TMEM114: variants seen among roughly 807,000 people sequenced by gnomAD.
The protein encoded by TMEM114 is claudin-26.
Under a neutral mutation model 6.2 loss-of-function variants are expected in TMEM114, and 6 were observed. The observed-to-expected ratio is 0.97, with a 90% CI of 0.53 to 1.91. The LOEUF is 1.91. Ranked by LOEUF, TMEM114 falls within the 40% of genes most tolerant of loss-of-function variation. TMEM114 has a pLI of 0.01. For synonymous variants in TMEM114, 104 were observed against 73.0 expected, an observed-to-expected ratio of 1.42 and a Z score of -2.16; for missense variants, 218 against 158.3, an observed-to-expected ratio of 1.38 and a Z score of -2.02.
At chr16:8,538,002 A>T (rs1900411000) in intron 2 of TMEM114, among the ~76,000 whole-genome samples, 1 of 152,016 alleles carries the variant, frequency 6.6e-6, no homozygotes, top group East Asian at 1.9e-4. Context: ...CAATATTTAA[A>T]CATTTTTGCC....
intron 2 of TMEM114, among the ~76,000 whole-genome samples, chr16:8,564,128 AG>A (rs1335966623): frequency 2.0e-5 from 3 of 151,124 alleles, no homozygotes; most frequent in Non-Finnish European, 4.4e-5. Context: ...TGAATGAGTG[AG>A]TTAGTGAATG....
At chr16:8,556,773 GA>G (rs1901024434) in intron 2 of TMEM114, among the ~76,000 whole-genome samples, 1 of 152,198 alleles carries the variant, frequency 6.6e-6, no homozygotes, top group Admixed American at 6.5e-5. Context: ...AAAGTGCCAG[GA>G]TTATAGGCGT....
At chr16:8,552,882 C>A (rs539007334) in intron 2 of TMEM114, among the ~76,000 whole-genome samples, 37 of 152,174 alleles carry the variant, frequency 2.4e-4, no homozygotes, top group Non-Finnish European at 4.9e-4. Flanking sequence ...CAGGGCCCAC[C>A]GAGCTGTGAT....
chr16:8,580,560 TC>T (rs1474412779), intron 2 of TMEM114, among the ~76,000 whole-genome samples: 3 of 152,056 alleles, frequency 2.0e-5, no homozygotes, highest in African/African-American at 7.2e-5. Context: ...CCCTGTGTCT[TC>T]CTCTCCTTTC....
chr16:8,579,691 G>C (rs1387111677), intron 2 of TMEM114, among the ~76,000 whole-genome samples: 1 of 152,158 alleles, frequency 6.6e-6, no homozygotes, highest in Non-Finnish European at 1.5e-5. Context: ...CTGAATATGA[G>C]AATACTTGTC....
chr16:8,536,245 G>T (rs2141643811), downstream of TMEM114, among the ~76,000 whole-genome samples: 1 of 151,592 alleles, frequency 6.6e-6, no homozygotes, highest in African/African-American at 2.4e-5. Context: ...AAAAAATGTA[G>T]GGGTTGAAAC....
chr16:8,532,576 T>C, the TMEM114 span, among the ~76,000 whole-genome samples: 3 of 152,220 alleles, frequency 2.0e-5, no homozygotes, highest in Admixed American at 2.0e-4. Flanking sequence ...GTGTCTCATT[T>C]AGTGCTGTAT....
chr16:8,546,586 G>A (rs1473262332), intron 2 of TMEM114, among the ~76,000 whole-genome samples: 1 of 152,128 alleles, frequency 6.6e-6, no homozygotes, highest in Non-Finnish European at 1.5e-5. Context: ...AACAACCCCA[G>A]TAACAATCAG....
Position 8,551,758 on chromosome 16 carries a change from T to C in TMEM114, n.213-13932A>G, listed in dbSNP as rs190692861. Among the ~76,000 whole-genome samples, 15 of 152,302 alleles carry C rather than the reference T, an allele frequency of 9.8e-5. No homozygotes were observed. The East Asian group carries it at 2.9e-3, about 29-fold the overall frequency. Reference sequence around the variant, plus strand: ...AAATTTAACAGTGTGTTTCTAGGGGTGTTTCATTAAACTTCTCCATTCAAG... The same window carrying C: ...AAATTTAACAGTGTGTTTCTAGGGGCGTTTCATTAAACTTCTCCATTCAAG... On this transcript the variant is annotated intron_variant and non_coding_transcript_variant, in intron 2 of 2. Coordinates refer to the TMEM114 transcript ENST00000623677.
intron 2 of TMEM114, among the ~76,000 whole-genome samples, chr16:8,538,473 G>A (rs926853364): frequency 1.3e-5 from 2 of 151,684 alleles, no homozygotes; most frequent in African/African-American, 2.4e-5. Context: ...CCTAGACAAA[G>A]AATGTGTGTG....
chr16:8,581,861 G>C (rs764853171), intron 2 of TMEM114, among the ~76,000 whole-genome samples: 5 of 152,200 alleles, frequency 3.3e-5, no homozygotes, highest in Non-Finnish European at 5.9e-5. Flanking sequence ...CTTGTGCCCA[G>C]AGGATTGAAG....
At chr16:8,547,392 CTTTCT>C (rs1418744080) in intron 2 of TMEM114, among the ~76,000 whole-genome samples, 38 of 144,612 alleles carry the variant, frequency 2.6e-4, no homozygotes, top group Middle Eastern at 3.7e-3. Flanking sequence ...TTCTTTCTTT[CTTTCT>C]TTTTTTTTTT....
intron 2 of TMEM114, among the ~76,000 whole-genome samples, chr16:8,561,832 G>GTGAA (rs1567201737): frequency 5.9e-4 from 89 of 151,950 alleles, no homozygotes; most frequent in African/African-American, 2.1e-3. Context: ...GAATGAGTGA[G>GTGAA]TGAATGAGTG....
chr16:8,542,102 C>G (rs541895016), intron 2 of TMEM114, among the ~76,000 whole-genome samples: 2 of 152,046 alleles, frequency 1.3e-5, no homozygotes, highest in African/African-American at 4.8e-5. Context: ...AGAAGTCATC[C>G]CCCATCACCC....
chr16:8,572,350 A>G, intron 2 of TMEM114, 126 bp from the exon 3 acceptor site: 1 of 994,090 alleles, frequency 1.0e-6, no homozygotes, highest in East Asian at 2.6e-5. Context: ...CCCTACGACG[A>G]TTACTTCTAC....
At chr16:8,562,710 G>GAATT in intron 2 of TMEM114, among the ~76,000 whole-genome samples, 1 of 151,622 alleles carries the variant, frequency 6.6e-6, no homozygotes, top group African/African-American at 2.4e-5. Flanking sequence ...GTGAGTAAAT[G>GAATT]AGTGAGTGAG....
At chr16:8,563,029 T>C (rs1414296469) in intron 2 of TMEM114, among the ~76,000 whole-genome samples, 1 of 140,396 alleles carries the variant, frequency 7.1e-6, no homozygotes, top group Non-Finnish European at 1.5e-5. Flanking sequence ...AGTGAGGGAA[T>C]GAGTGAGTGA....
chr16:8,544,106 AT>A (rs1328162994), intron 2 of TMEM114, among the ~76,000 whole-genome samples: 2 of 152,086 alleles, frequency 1.3e-5, no homozygotes, highest in African/African-American at 4.8e-5. Flanking sequence ...CTTCACTGTG[AT>A]TTTGTTGCTG....
intron 2 of TMEM114, among the ~76,000 whole-genome samples, chr16:8,559,265 A>T (rs1482066566): frequency 3.3e-5 from 5 of 151,084 alleles, no homozygotes; most frequent in African/African-American, 1.2e-4. Context: ...CTGGTCTCCA[A>T]CTCATAACCT....
Sources: allele counts gnomAD v4.1 joint callset (sites outside exome capture counted in the v4.1 genomes callset), GRCh38; gene constraint gnomAD v4.1.1; transcripts MANE v1.5; gene names NCBI Gene and HGNC (gene_info 2026-07-23, HGNC 2026-07-21).